The following KCNJ10 variants were observed in gnomAD, a reference collection of about 807,000 sequenced individuals.
KCNJ10 encodes the protein ATP-sensitive inward rectifier potassium channel 10.
A neutral mutation model predicts 22.2 loss-of-function variants in KCNJ10; 9 were observed. The observed-to-expected ratio is 0.40, with a 90% confidence interval of 0.24 to 0.71. The LOEUF (loss-of-function observed/expected upper bound fraction) is 0.71. Among genes scored for constraint, KCNJ10 ranks in the 30% least tolerant of loss-of-function variants. The pLI, the probability that KCNJ10 is intolerant of heterozygous loss-of-function variation, is 0.35. For synonymous variants in KCNJ10, 184 were observed against 187.3 expected (o/e 0.98, Z 0.15); for missense variants, 337 against 482.7 (o/e 0.70, Z 2.83).
In KCNJ10 at chr1:160,042,463, C is replaced by G; in HGVS notation, c.70G>C (p.Gly24Arg). 1 of 1,614,196 alleles carries G rather than the reference C, an allele frequency of 6.2e-7. No individual in the cohort carries two copies. Among genetic ancestry groups the G allele is most frequent in the Non-Finnish European group, 8.5e-7 (1 of 1,180,040 alleles). ...GTCAGGACTCTCCGCCGTCGTATCCCTGGGCCCATTAGGGGCCGGCTTTCT... is the reference window on the plus strand; with the variant it reads ...GTCAGGACTCTCCGCCGTCGTATCCGTGGGCCCATTAGGGGCCGGCTTTCT... ...QTESRPLMGPGIRRRRVLTKD... is the reference protein window; with the variant it reads ...QTESRPLMGPRIRRRRVLTKD... The change falls in exon 2 of 2, where the codon GGG (glycine) becomes CGG (arginine). Residue 24 changes from glycine to arginine, a missense_variant. Physicochemically the swap from Gly to Arg is moderately radical, Grantham distance 125. Transcript: ENST00000644903.
chr1:160,041,865 G>A lies in KCNJ10; in HGVS notation c.668C>T (p.Thr223Ile). ...GAGCCGGATGTTCTCCCCTTCCTTG[G>A]TTTGGTGGGTCTGAAGCAGTTTTCC... ...VTGKLLQTHQTKEGENIRLNQ... is the reference protein window; with the variant it reads ...VTGKLLQTHQIKEGENIRLNQ... Residue 223 changes from threonine to isoleucine, a missense_variant, in exon 2 of 2, where the codon ACC becomes ATC. Coordinates refer to ENST00000644903, the MANE Select transcript of KCNJ10 (RefSeq NM_002241.5). This position sits in a 1 kb window ranked among gnomAD's most constrained non-coding sequence, Gnocchi z 4.4. The A allele has an allele frequency of 6.2e-7, 1 of 1,614,196 alleles. No homozygotes were observed. Among genetic ancestry groups the A allele is most frequent in the Non-Finnish European group, 8.5e-7 (1 of 1,180,034 alleles).
chr1:160,049,699 AT>A (rs1648852480), intron 1 of KCNJ10, among the ~76,000 whole-genome samples: 5 of 123,680 alleles, frequency 4.0e-5, no homozygotes, highest in African/African-American at 1.5e-4. Context: ...ATATATATAT[AT>A]ATATATATAT....
chr1:160,045,028 C>A (rs1193785801), intron 1 of KCNJ10, among the ~76,000 whole-genome samples: 3 of 152,064 alleles, frequency 2.0e-5, no homozygotes, highest in Non-Finnish European at 4.4e-5. Flanking sequence ...CAATAATAAC[C>A]TAATTTTCTT....
rs75470525 is a variant in KCNJ10 at position 160,043,315 on chromosome 1, A to AC, written c.1-784_1-783insG. Among the ~76,000 whole-genome samples the AC allele has an allele frequency of 4.5e-3, 595 of 131,114 alleles. 3 individuals carry two copies. Among genetic ancestry groups the AC allele is most frequent in the Non-Finnish European group, 6.4e-3 (368 of 57,510 alleles). 86.0% of individuals were successfully genotyped at this position (131,114 alleles called of 152,430 possible). A position where few individuals can be genotyped will look rare whatever the true frequency, so the allele number is the denominator to read the frequency against. ...CACACACACACACACACACACACAC[A>AC]ACCTTAATTTCTTCATTCTCTGCTC... On this transcript the variant is annotated intron_variant, in intron 1 of 1. Coordinates refer to ENST00000644903, the MANE Select transcript of KCNJ10 (RefSeq NM_002241.5).
At chr1:160,063,543 T>C (rs1401151034) in intron 1 of KCNJ10, 1 of 152,432 alleles carries the variant, frequency 6.6e-6, no homozygotes, top group Non-Finnish European at 1.5e-5. Flanking sequence ...CTTCCCACTG[T>C]ACTGCCCTGG....
chr1:160,064,734 A>C (rs1429170467), intron 1 of KCNJ10: 1 of 152,242 alleles, frequency 6.6e-6, no homozygotes, highest in Non-Finnish European at 1.5e-5. Flanking sequence ...TTTTTATCAC[A>C]GGGTCAACCG....
chr1:160,045,770 T>C (rs554199104), intron 1 of KCNJ10, among the ~76,000 whole-genome samples: 2 of 152,278 alleles, frequency 1.3e-5, no homozygotes, highest in East Asian at 1.9e-4. Context: ...ATAGGGAAGT[T>C]GATTCAGGAG....
rs56656397 is a variant in KCNJ10 at position 160,039,373 on chromosome 1, GACACACACACAC to G, written c.*2008_*2019del. 0.021 allele frequency: 2,859 copies of G among 135,022 alleles called. 30 individuals are homozygous for G. The highest frequency in any genetic ancestry group is 0.035 in the African/African-American group (1,247 of 35,294). 8.4% of individuals were successfully genotyped at this position (135,022 alleles called of 1,614,324 possible). ...ACTTGGCAATGGATAGGAAGGTATA[GACACACACACAC>G]ACACACACACACACACACACACACA... On this transcript the variant is annotated 3_prime_UTR_variant, in exon 2 of 2. Coordinates refer to ENST00000644903, the MANE Select transcript of KCNJ10 (RefSeq NM_002241.5).
intron 1 of KCNJ10, among the ~76,000 whole-genome samples, chr1:160,054,455 A>C (rs368158641): frequency 6.6e-6 from 1 of 152,208 alleles, no homozygotes; most frequent in Non-Finnish European, 1.5e-5. Context: ...TCTTAACTGA[A>C]CAGCCAGAAG....
At chr1:160,050,744 A>C (rs747526267) in intron 1 of KCNJ10, among the ~76,000 whole-genome samples, 4 of 152,154 alleles carry the variant, frequency 2.6e-5, no homozygotes, top group Non-Finnish European at 5.9e-5. Flanking sequence ...TTGGGAGCAC[A>C]TGAAAGATCT....
rs1167307111 is a variant in KCNJ10, at chr1:160,038,379, C to T, written c.*3014G>A. On this transcript the variant is annotated 3_prime_UTR_variant, in exon 2 of 2. Transcript: ENST00000644903. ...AAGACTTCCCCTCCCTATTGTCCTC[C>T]GAGTTCCTCTCTTCCTGGTCCTATC... 1 of 152,166 alleles carries T rather than the reference C, an allele frequency of 6.6e-6. No individual in the cohort carries two copies. Among genetic ancestry groups the T allele is most frequent in the African/African-American group, 2.4e-5 (1 of 41,448 alleles). 9.4% of individuals were successfully genotyped at this position (152,166 alleles called of 1,614,324 possible).
intron 1 of KCNJ10, among the ~76,000 whole-genome samples, chr1:160,047,290 T>C (rs1467977318): frequency 6.6e-6 from 1 of 152,246 alleles, no homozygotes; most frequent in Non-Finnish European, 1.5e-5. Context: ...ACTTCGCTCC[T>C]GGGTTTCTCT....
chr1:160,069,840 GC>G (rs1484327678), intron 1 of KCNJ10, among the ~76,000 whole-genome samples, 181 bp downstream of exon 1: 2 of 152,206 alleles, frequency 1.3e-5, no homozygotes, highest in African/African-American at 4.8e-5. Context: ...CTCGTGGGGA[GC>G]CCTTCCCAGG....
chr1:160,045,094 C>G (rs1317533581), intron 1 of KCNJ10, among the ~76,000 whole-genome samples: 1 of 152,116 alleles, frequency 6.6e-6, no homozygotes. Flanking sequence ...GAACGTGTAC[C>G]TAAACTTCAG....
At position 160,056,929 on chromosome 1, in the gene KCNJ10, T is replaced by C. The variant is rs369460866; in HGVS notation, c.-1+13093A>G. 6.5e-4 allele frequency among the ~76,000 whole-genome samples: 99 copies of C among 152,306 alleles called. 2 individuals are homozygous for C. The South Asian group carries it at 0.012, about 18-fold the overall frequency. Reference sequence around the variant, plus strand: ...ATACAGAGAGTCATTTTCAATCAAATGGAGTTAGCCCAACAAATGAAACCT... The same window carrying C: ...ATACAGAGAGTCATTTTCAATCAAACGGAGTTAGCCCAACAAATGAAACCT... On this transcript the variant is annotated intron_variant, in intron 1 of 1. Transcript: ENST00000644903.
intron 1 of KCNJ10, among the ~76,000 whole-genome samples, chr1:160,058,891 T>G (rs1413797024): frequency 6.6e-6 from 1 of 152,160 alleles, no homozygotes; most frequent in Non-Finnish European, 1.5e-5. Flanking sequence ...TTTGCTTAAT[T>G]TCTACTCCTC....
intron 1 of KCNJ10, among the ~76,000 whole-genome samples, chr1:160,061,387 A>G (rs1035978576): frequency 6.6e-6 from 1 of 152,080 alleles, no homozygotes; most frequent in South Asian, 2.1e-4. Flanking sequence ...GGGCAAATGC[A>G]AAGACGGACA....
intron 1 of KCNJ10, among the ~76,000 whole-genome samples, chr1:160,059,134 G>A (rs1649122234): frequency 1.3e-5 from 2 of 152,186 alleles, no homozygotes; most frequent in Non-Finnish European, 2.9e-5. Flanking sequence ...ACTTACATGG[G>A]TTAACTAACT....
chr1:160,067,128 A>G (rs1649338249), intron 1 of KCNJ10, among the ~76,000 whole-genome samples: 1 of 151,994 alleles, frequency 6.6e-6, no homozygotes, highest in African/African-American at 2.4e-5. Flanking sequence ...CCATGCCACA[A>G]AGTTCTGTTC....
Sources: allele counts gnomAD v4.1 joint callset (sites outside exome capture counted in the v4.1 genomes callset), GRCh38; gene constraint gnomAD v4.1.1; non-coding constraint Gnocchi (gnomAD v3.1); transcripts MANE v1.5; gene names NCBI Gene and HGNC (gene_info 2026-07-23, HGNC 2026-07-21).